The following SUGCT variants were observed in gnomAD, a reference collection of about 807,000 sequenced individuals.
SUGCT encodes succinyl-CoA:glutarate-CoA transferase.
Under a neutral mutation model 55.0 loss-of-function variants are expected in SUGCT, and 41 were observed. The ratio of observed to expected loss-of-function variants is 0.74; its 90% CI spans 0.58 to 0.97. The LOEUF is 0.97. SUGCT is among the 50% of genes least tolerant of loss of function. The probability of loss-of-function intolerance (pLI) is 0.00; values close to 1 mark genes in which losing one functional copy is unlikely to be tolerated. For missense variants in SUGCT, 568 were observed against 547.8 expected (o/e 1.04, Z -0.37); for synonymous variants, 187 against 200.4 (o/e 0.93, Z 0.56).
At chr7:40,137,967 C>T (rs918285964) in intron 1 of SUGCT, among the ~76,000 whole-genome samples, 4 of 152,176 alleles carry the variant, frequency 2.6e-5, no homozygotes, top group African/African-American at 9.7e-5. Context: ...CAGGCATGAG[C>T]CCCCTGTGCC....
the SUGCT span, among the ~76,000 whole-genome samples, chr7:40,927,282 C>G: frequency 1.3e-5 from 2 of 152,042 alleles, no homozygotes; most frequent in African/African-American, 4.8e-5. Flanking sequence ...TTTGAGATGT[C>G]TTAATCTTTT....
At chr7:40,743,805 C>T (rs1787588455) in intron 12 of SUGCT, among the ~76,000 whole-genome samples, 1 of 152,192 alleles carries the variant, frequency 6.6e-6, no homozygotes, top group East Asian at 1.9e-4. Context: ...CACTCTGCAC[C>T]AGGGCCTATG....
chr7:40,469,433 T>G (rs747436245), intron 11 of SUGCT, among the ~76,000 whole-genome samples: 3 of 152,232 alleles, frequency 2.0e-5, no homozygotes, highest in Non-Finnish European at 4.4e-5. Context: ...TTGTAAAATG[T>G]CTATATTTTA....
At chr7:41,017,097 C>A in the SUGCT span, among the ~76,000 whole-genome samples, 1 of 152,182 alleles carries the variant, frequency 6.6e-6, no homozygotes, top group Non-Finnish European at 1.5e-5. Flanking sequence ...TCTCTTTTTG[C>A]TTTCTTCCTC....
At chr7:40,413,255 A>G (rs1453409556) in intron 9 of SUGCT, among the ~76,000 whole-genome samples, 2 of 152,084 alleles carry the variant, frequency 1.3e-5, no homozygotes, top group African/African-American at 4.8e-5. Context: ...ACATGGGGAA[A>G]CTGCTGTTCC....
At chr7:40,921,280 A>C in the SUGCT span, among the ~76,000 whole-genome samples, 1 of 152,076 alleles carries the variant, frequency 6.6e-6, no homozygotes. Context: ...GAGGTGAATA[A>C]ATTTGTATGT....
chr7:40,319,562 C>A (rs1457756850), intron 9 of SUGCT, among the ~76,000 whole-genome samples: 1 of 152,118 alleles, frequency 6.6e-6, no homozygotes, highest in African/African-American at 2.4e-5. Flanking sequence ...CTTGTTGAAC[C>A]CTATCTGAAA....
At chr7:40,240,840 C>T (rs772837057) in intron 7 of SUGCT, among the ~76,000 whole-genome samples, 2 of 152,124 alleles carry the variant, frequency 1.3e-5, no homozygotes, top group Admixed American at 6.5e-5. Context: ...TCAGGGTTGT[C>T]GGTCAGGGAA....
At chr7:41,015,264 G>T in the SUGCT span, among the ~76,000 whole-genome samples, 1 of 152,138 alleles carries the variant, frequency 6.6e-6, no homozygotes, top group Non-Finnish European at 1.5e-5. Context: ...ACTTTTCATT[G>T]GTTAGTTGAC....
the SUGCT span, among the ~76,000 whole-genome samples, chr7:40,977,251 T>A: frequency 6.6e-6 from 1 of 152,268 alleles, no homozygotes; most frequent in African/African-American, 2.4e-5. Context: ...GCAATGTCAA[T>A]AATAATAGCA....
intron 13 of SUGCT, among the ~76,000 whole-genome samples, chr7:40,833,709 T>C (rs1283111597): frequency 6.6e-6 from 1 of 152,208 alleles, no homozygotes; most frequent in Non-Finnish European, 1.5e-5. Context: ...CCTCTATTTG[T>C]TTCTGGACTG....
Position 40,460,648 on chromosome 7 carries a change from C to G in SUGCT, c.986+1450C>G, listed in dbSNP as rs192840465. On this transcript the variant is annotated intron_variant, in intron 11 of 13. Coordinates refer to ENST00000335693, the MANE Select transcript of SUGCT (RefSeq NM_001193313.2). ...AAAAATATGATACCTAGATTGGTTT[C>G]CTGTGTTTTAAAACTTTTATTCCTT... Among the ~76,000 whole-genome samples the G allele has an allele frequency of 3.3e-4, 50 of 152,198 alleles. No homozygotes were observed. In the South Asian group the frequency reaches 8.5e-3, roughly 26 times the overall value.
chr7:40,784,944 T>C (rs1789941350), intron 13 of SUGCT, among the ~76,000 whole-genome samples: 1 of 152,164 alleles, frequency 6.6e-6, no homozygotes, highest in Non-Finnish European at 1.5e-5. Context: ...ATGTGATTGA[T>C]GGACAGCAAA....
chr7:40,759,177 G>A (rs1788412827), intron 13 of SUGCT, among the ~76,000 whole-genome samples: 1 of 152,126 alleles, frequency 6.6e-6, no homozygotes, highest in Admixed American at 6.6e-5. Flanking sequence ...TCAAGTTCAT[G>A]TGTGACCTTA....
At chr7:40,894,101 C>A in the SUGCT span, among the ~76,000 whole-genome samples, 2 of 149,750 alleles carry the variant, frequency 1.3e-5, no homozygotes, top group African/African-American at 4.9e-5. Flanking sequence ...TTTACAGTAA[C>A]CAAAACAGCA....
the SUGCT span, among the ~76,000 whole-genome samples, chr7:40,985,712 G>T: frequency 2.0e-5 from 3 of 152,156 alleles, no homozygotes; most frequent in Admixed American, 2.0e-4. Context: ...TCATCCAAAA[G>T]TATTTGGATT....
At chr7:40,611,810 G>A (rs897950314) in intron 12 of SUGCT, among the ~76,000 whole-genome samples, 1 of 152,094 alleles carries the variant, frequency 6.6e-6, no homozygotes, top group Non-Finnish European at 1.5e-5. Context: ...TATAGGTAAA[G>A]AAACTGAGAC....
At chr7:40,151,507 C>G (rs1307592618) in intron 1 of SUGCT, 1 of 164,368 alleles carries the variant, frequency 6.1e-6, no homozygotes, top group Non-Finnish European at 1.3e-5. Context: ...TTGTATATGC[C>G]TGGCATTGGC....
chr7:40,239,438 A>G lies in SUGCT; in HGVS notation c.576+1712A>G, dbSNP rs1413258939. On this transcript the variant is annotated intron_variant, in intron 7 of 13. Coordinates refer to ENST00000335693, the MANE Select transcript of SUGCT (RefSeq NM_001193313.2). ...CATCCATTGAGAGAATAGAGCATGGACATTTCTCTCATTGCTCAATTCCAT... is the reference window on the plus strand; with the variant it reads ...CATCCATTGAGAGAATAGAGCATGGGCATTTCTCTCATTGCTCAATTCCAT... 5.3e-5 allele frequency among the ~76,000 whole-genome samples: 8 copies of G among 152,294 alleles called. 1 individual carries two copies. The highest frequency in any genetic ancestry group is 5.2e-4 in the Admixed American group (8 of 15,292).
Sources: allele counts gnomAD v4.1 joint callset (sites outside exome capture counted in the v4.1 genomes callset), GRCh38; gene constraint gnomAD v4.1.1; transcripts MANE v1.5; gene names NCBI Gene and HGNC (gene_info 2026-07-23, HGNC 2026-07-21).